The following CFAP47 variants were observed in gnomAD, a reference collection of about 807,000 sequenced individuals.
The protein encoded by CFAP47 is cilia and flagella associated protein 47, also known as cilia- and flagella-associated protein 47.
A neutral mutation model predicts 148.1 loss-of-function variants in CFAP47; 29 were observed. That is an observed-to-expected ratio of 0.20 (90% CI 0.15 to 0.27). The LOEUF (loss-of-function observed/expected upper bound fraction) is 0.27. Among genes scored for constraint, CFAP47 ranks in the 10% least tolerant of loss-of-function variants. CFAP47 has a pLI of 1.00. For missense variants in CFAP47, 1,872 were observed against 1,697.5 expected, an observed-to-expected ratio of 1.10 and a Z score of -1.81; for synonymous variants, 664 against 577.3, an observed-to-expected ratio of 1.15 and a Z score of -2.15.
intron 23 of CFAP47, among the ~76,000 whole-genome samples, chrX:36,032,308 A>G (rs1241635795): frequency 5.6e-5 from 6 of 106,634 alleles, no homozygotes; most frequent in African/African-American, 2.0e-4. Context: ...CCCCATGGAG[A>G]AAAAAAAAAC....
rs182787367 is a variant in CFAP47, at chrX:36,226,237, T to C, written c.6818-2391T>C. Among the ~76,000 whole-genome samples the C allele has an allele frequency of 2.0e-3, 219 of 111,704 alleles. 1 individual carries two copies. The highest frequency in any genetic ancestry group is 6.5e-3 in the African/African-American group (199 of 30,810). ...CACACATATCCATAAATCCATGCCC[T>C]TTAAGGCATACTTAAAGGGGACATG... On this transcript the variant is annotated intron_variant, in intron 45 of 63. Transcript: ENST00000378653.
chrX:35,981,747 C>A (rs1661920470), intron 15 of CFAP47, among the ~76,000 whole-genome samples: 1 of 111,435 alleles, frequency 9.0e-6, no homozygotes, highest in Admixed American at 9.6e-5. Flanking sequence ...CTATGTTTAG[C>A]TCCTAGTTAT....
At position 35,960,380 on chromosome X, in the gene CFAP47, G is replaced by GAA. The variant is rs1188987905; in HGVS notation, c.1410+4210_1410+4211dup. On this transcript the variant is annotated intron_variant, in intron 8 of 63. Transcript: ENST00000378653. ...CTTTAACATTAGCTTGCTAATTTCT[G>GAA]AAAAAAAAAAAAAAAAAAAAAAAAA... is the stretch of plus-strand genomic sequence containing the variant. 7.4e-3 allele frequency among the ~76,000 whole-genome samples: 115 copies of GAA among 15,474 alleles called. 18 individuals carry two copies. The highest frequency in any genetic ancestry group is 0.023 in the African/African-American group (87 of 3,810). The allele number at this position is 15,474 out of a possible 115,157, so 13.4% of individuals were successfully genotyped here.
At chrX:36,078,371 A>G (rs1418793271) in intron 29 of CFAP47, among the ~76,000 whole-genome samples, 1 of 111,287 alleles carries the variant, frequency 9.0e-6, no homozygotes, top group African/African-American at 3.3e-5. Flanking sequence ...GACTTGCTCT[A>G]TGAATCTGGG....
In CFAP47 at chrX:36,071,948, C is replaced by G. The variant is rs750139860; in HGVS notation, c.4442C>G (p.Pro1481Arg). 1 of 1,202,485 alleles carries G rather than the reference C, an allele frequency of 8.3e-7. No individual in the cohort carries two copies. The highest frequency in any genetic ancestry group is 1.8e-5 in the African/African-American group (1 of 56,966). Residue 1481 changes from proline (P) to arginine (R), a missense_variant, in exon 28 of 64, where the codon CCT becomes CGT. By Grantham distance (103) the Pro-to-Arg change is moderately radical. Coordinates refer to ENST00000378653, the MANE Select transcript of CFAP47 (RefSeq NM_001304548.2). ...ACTAGCAAATTCAATGATGCTGAAC[C>G]TGCAAAGGGAAACTTATTTATTGGT... ...YTTSKFNDAE[P>R]AKGNLFIGVE...
chrX:35,923,891 A>G (rs752638021), intron 1 of CFAP47, among the ~76,000 whole-genome samples: 4 of 74,864 alleles, frequency 5.3e-5, no homozygotes, highest in African/African-American at 2.7e-4. Flanking sequence ...GTACATATAT[A>G]TGTGTATATA....
intron 29 of CFAP47, among the ~76,000 whole-genome samples, chrX:36,083,708 T>C (rs942569021): frequency 9.0e-6 from 1 of 111,469 alleles, no homozygotes; most frequent in African/African-American, 3.2e-5. Context: ...GGTGAGACTT[T>C]TGAATATTTT....
At chrX:36,072,085 T>C in intron 28 of CFAP47, 114 bp downstream of exon 28, 1 of 570,846 alleles carries the variant, frequency 1.8e-6, no homozygotes, top group Non-Finnish European at 2.6e-6. Flanking sequence ...ATGAAGAAAA[T>C]TGGGAATTTG....
rs373312669 is a variant in CFAP47 at position 36,231,514 on chromosome X, C to T, written c.7014+2690C>T. Among the ~76,000 whole-genome samples, 947 of 109,589 alleles carry T rather than the reference C, an allele frequency of 8.6e-3. 12 individuals carry two copies. Among genetic ancestry groups the T allele is most frequent in the African/African-American group, 0.028 (827 of 29,913 alleles). Reference sequence around the variant, plus strand: ...TTATCAGCTTAAGGAGATTTTGGGCCGAGACAATGGGGTTTTCTACGTATA... The same window carrying T: ...TTATCAGCTTAAGGAGATTTTGGGCTGAGACAATGGGGTTTTCTACGTATA... On this transcript the variant is annotated intron_variant, in intron 46 of 63. Transcript: ENST00000378653.
chrX:36,260,356 G>C (rs1940802773), intron 49 of CFAP47, among the ~76,000 whole-genome samples: 1 of 111,999 alleles, frequency 8.9e-6, no homozygotes, highest in African/African-American at 3.3e-5. Flanking sequence ...ATGTGTAAGT[G>C]TTCCCTTTTC....
At chrX:35,935,168 C>T (rs1935891586) in intron 2 of CFAP47, among the ~76,000 whole-genome samples, 2 of 111,913 alleles carry the variant, frequency 1.8e-5, no homozygotes, top group Admixed American at 1.9e-4. Flanking sequence ...GTGGCCTAGA[C>T]TGCCTTTCAA....
At chrX:36,139,042 T>C (rs906993831) in intron 35 of CFAP47, among the ~76,000 whole-genome samples, 3 of 111,829 alleles carry the variant, frequency 2.7e-5, no homozygotes, top group African/African-American at 9.7e-5. Flanking sequence ...AAATAAATGA[T>C]TCCTGACTTT....
intron 13 of CFAP47, 97 bp from the exon 14 acceptor site, chrX:35,975,050 C>T: frequency 4.2e-6 from 2 of 476,955 alleles, no homozygotes; most frequent in Non-Finnish European, 6.6e-6. Context: ...CATTTTTATA[C>T]AAATTGGTTG....
At chrX:35,924,443 A>G (rs184467815) in intron 1 of CFAP47, among the ~76,000 whole-genome samples, 1 of 105,617 alleles carries the variant, frequency 9.5e-6, no homozygotes, top group East Asian at 3.1e-4. Context: ...ATATATGTAC[A>G]CCTATATGTG....
intron 57 of CFAP47, among the ~76,000 whole-genome samples, chrX:36,346,990 A>C (rs1447817768): frequency 8.9e-6 from 1 of 112,106 alleles, no homozygotes; most frequent in Non-Finnish European, 1.9e-5. Flanking sequence ...CTATCATCAG[A>C]GTGAACAGGC....
intron 51 of CFAP47, among the ~76,000 whole-genome samples, chrX:36,293,979 G>C (rs1291572338): frequency 3.6e-5 from 4 of 111,326 alleles, no homozygotes; most frequent in Non-Finnish European, 7.5e-5. Flanking sequence ...GATGTAGTGG[G>C]CCAAAGTGAA....
chrX:36,022,266 GT>G (rs202124279), intron 22 of CFAP47, among the ~76,000 whole-genome samples: 10 of 111,386 alleles, frequency 9.0e-5, no homozygotes, highest in Non-Finnish European at 1.3e-4. Flanking sequence ...TAGGCTAAAA[GT>G]TTTTTTTCTT....
intron 60 of CFAP47, among the ~76,000 whole-genome samples, chrX:36,355,171 T>TA (rs1229887091): frequency 1.1e-4 from 12 of 110,679 alleles, no homozygotes; most frequent in Middle Eastern, 4.3e-3. Flanking sequence ...CACAATGAGA[T>TA]ATCACCTCAC....
chrX:35,949,140 A>AGTGTGTGT (rs201452327), intron 4 of CFAP47, among the ~76,000 whole-genome samples: 5,728 of 86,866 alleles, frequency 0.066, 462 homozygotes, highest in African/African-American at 0.2. Context: ...GCATCTGTGG[A>AGTGTGTGT]GTGTGTGTGT....
Sources: gnomAD v4.1 joint callset for allele counts (sites outside exome capture counted in the v4.1 genomes callset) on GRCh38, gnomAD v4.1.1 for gene constraint, MANE v1.5 for transcripts, NCBI Gene and HGNC (gene_info 2026-07-23, HGNC 2026-07-21) for gene names.